SYT16: variants seen among roughly 807,000 people sequenced by gnomAD.
SYT16 encodes synaptotagmin 16, also known as synaptotagmin-16.
Under a neutral mutation model 61.4 loss-of-function variants are expected in SYT16, and 42 were observed. The observed-to-expected ratio is 0.68, with a 90% CI of 0.53 to 0.89. The LOEUF (loss-of-function observed/expected upper bound fraction) is 0.89. Ranked by LOEUF, SYT16 falls within the 40% of genes least tolerant of loss-of-function variation. The pLI is 0.00. For synonymous variants in SYT16, 314 were observed against 302.3 expected (o/e 1.04, Z -0.40); for missense variants, 804 against 807.3 (o/e 1.00, Z 0.05).
rs544179959 is a variant in SYT16 at position 62,111,256 on chromosome 14, A to G, written c.*10549A>G. On this transcript the variant is annotated 3_prime_UTR_variant, in exon 8 of 8. Transcript: ENST00000683842. ...GGTGTCCTTGAAGAACTTTCATGAA[A>G]AAAATGTAAATGTGAATGATTCATT... is the stretch of plus-strand genomic sequence containing the variant. The G allele has an allele frequency of 5.9e-5, 9 of 152,150 alleles. 1 individual carries two copies. Among genetic ancestry groups the G allele is most frequent in the Middle Eastern group, 6.8e-3 (2 of 294 alleles). 9.4% of individuals were successfully genotyped at this position (152,150 alleles called of 1,614,324 possible).
intron 1 of SYT16, among the ~76,000 whole-genome samples, chr14:61,969,002 A>G (rs2051432341): frequency 6.6e-6 from 1 of 152,162 alleles, no homozygotes; most frequent in African/African-American, 2.4e-5. Flanking sequence ...TTGATTCAGT[A>G]AGGCAGTATC....
chr14:62,104,390 A>C lies in SYT16; in HGVS notation c.*3683A>C, dbSNP rs976316078. ...AACATTCTATTCTATTTGATCTAAG[A>C]GCAAAGCAAATGATGGATAATCCTG... is the stretch of plus-strand genomic sequence containing the variant. On this transcript the variant is annotated 3_prime_UTR_variant, in exon 8 of 8. Transcript: ENST00000683842. 3 of 152,228 alleles carry C rather than the reference A, an allele frequency of 2.0e-5. No homozygotes were observed. The highest frequency in any genetic ancestry group is 4.4e-5 in the Non-Finnish European group (3 of 68,026). 9.4% of individuals were successfully genotyped at this position (152,228 alleles called of 1,614,324 possible). A position where few individuals can be genotyped will look rare whatever the true frequency, so the allele number is the denominator to read the frequency against.
In SYT16 at chr14:61,829,755, T is replaced by C. The variant is rs375242846; in HGVS notation, c.-325+16945T>C. ...TTGCAAGCTCCGCCTCCCGGGTTCA[T>C]GCCATTCTCCTGCCTCAGCCTCCCG... On this transcript the variant is annotated intron_variant, in intron 1 of 7. Coordinates refer to ENST00000683842, the MANE Select transcript of SYT16 (RefSeq NM_001367656.1). 3.2e-3 allele frequency among the ~76,000 whole-genome samples: 480 copies of C among 152,058 alleles called. 8 individuals are homozygous for C. In the South Asian group the frequency reaches 0.045, roughly 14 times the overall value.
chr14:61,996,958 A>G (rs1251159046), intron 3 of SYT16, among the ~76,000 whole-genome samples: 1 of 152,132 alleles, frequency 6.6e-6, no homozygotes, highest in Non-Finnish European at 1.5e-5. Context: ...TTTTTAGTTG[A>G]TAACACTCCA....
chr14:61,816,350 C>A (rs1296965577), intron 1 of SYT16, among the ~76,000 whole-genome samples: 2 of 152,168 alleles, frequency 1.3e-5, no homozygotes. Context: ...ACGTTAGAAA[C>A]TAGTGCTAAA....
rs982078972 is a variant in SYT16 at position 62,017,937 on chromosome 14, A to C, written c.523+21395A>C. 1.5e-4 allele frequency among the ~76,000 whole-genome samples: 23 copies of C among 152,190 alleles called. 1 individual carries two copies. In the East Asian group the frequency reaches 1.7e-3, roughly 12 times the overall value. ...CACTATGTTGCCCAGGCTAGTCTTG[A>C]ATTCCTAGCCTGAAGCAATCCTCTG... On this transcript the variant is annotated intron_variant, in intron 3 of 7. Transcript: ENST00000683842.
chr14:62,019,328 A>C (rs1424296465), intron 3 of SYT16, among the ~76,000 whole-genome samples: 1 of 152,180 alleles, frequency 6.6e-6, no homozygotes. Flanking sequence ...TGTTTTTTTC[A>C]TGAAATGAGT....
chr14:62,064,489 G>T (rs2140927917), intron 3 of SYT16, among the ~76,000 whole-genome samples: 1 of 152,192 alleles, frequency 6.6e-6, no homozygotes, highest in Non-Finnish European at 1.5e-5. Flanking sequence ...TAGTTTTTCT[G>T]TGTGAAATAG....
intron 1 of SYT16, among the ~76,000 whole-genome samples, chr14:61,883,778 A>G (rs1014187864): frequency 1.3e-5 from 2 of 152,188 alleles, no homozygotes; most frequent in Non-Finnish European, 2.9e-5. Context: ...TTATAAAGGA[A>G]AGAGATTTAA....
intron 1 of SYT16, among the ~76,000 whole-genome samples, chr14:61,945,132 G>A (rs1370414336): frequency 6.6e-6 from 1 of 152,192 alleles, no homozygotes; most frequent in Non-Finnish European, 1.5e-5. Flanking sequence ...ACATATGAAA[G>A]AAAGCTCATC....
chr14:61,965,596 C>T (rs1389390802), intron 1 of SYT16, among the ~76,000 whole-genome samples: 2 of 152,022 alleles, frequency 1.3e-5, no homozygotes, highest in African/African-American at 4.8e-5. Context: ...CTCAGATATT[C>T]AAAGGTCATA....
At chr14:62,051,408 C>T (rs545160641) in intron 3 of SYT16, among the ~76,000 whole-genome samples, 1 of 152,356 alleles carries the variant, frequency 6.6e-6, no homozygotes, top group African/African-American at 2.4e-5. Flanking sequence ...TCCCTGACCC[C>T]TTGCACTTCC....
chr14:62,031,224 C>G (rs2054298014), intron 3 of SYT16, among the ~76,000 whole-genome samples: 2 of 152,166 alleles, frequency 1.3e-5, no homozygotes, highest in Admixed American at 1.3e-4. Context: ...GAAACACAAC[C>G]ATGCCTTTAA....
At chr14:62,059,727 C>T (rs1185208259) in intron 3 of SYT16, among the ~76,000 whole-genome samples, 5 of 144,306 alleles carry the variant, frequency 3.5e-5, no homozygotes, top group African/African-American at 1.0e-4. Context: ...ATATGTATAG[C>T]TACATATATA....
At chr14:61,959,049 C>G (rs148240404) in intron 1 of SYT16, among the ~76,000 whole-genome samples, 65 of 152,168 alleles carry the variant, frequency 4.3e-4, no homozygotes, top group African/African-American at 1.4e-3. Context: ...TCCATTTTGT[C>G]TAATATGAGT....
rs2057501332 is a variant in SYT16, at chr14:62,105,737, C to G, written c.*5030C>G. ...TAGAGAAGTCTTCAGGAGCAAACCA[C>G]TTCAAGTTCAGTGTAACCAGGTGCC... On this transcript the variant is annotated 3_prime_UTR_variant, in exon 8 of 8. Transcript: ENST00000683842. The G allele has an allele frequency of 6.6e-6, 1 of 152,334 alleles. No homozygotes were observed. The highest frequency in any genetic ancestry group is 2.1e-4 in the South Asian group (1 of 4,826). The allele number at this position is 152,334 out of a possible 1,614,324, so 9.4% of individuals were successfully genotyped here.
chr14:61,922,144 C>A (rs1376831596), intron 1 of SYT16, among the ~76,000 whole-genome samples: 1 of 152,188 alleles, frequency 6.6e-6, no homozygotes, highest in Non-Finnish European at 1.5e-5. Flanking sequence ...AAGAGCTAGA[C>A]ACAGAGCTAC....
At chr14:61,985,600 G>C (rs2052272236) in intron 2 of SYT16, among the ~76,000 whole-genome samples, 1 of 152,118 alleles carries the variant, frequency 6.6e-6, no homozygotes, top group Admixed American at 6.6e-5. Flanking sequence ...AAGTGAAACT[G>C]GGAAATAGAG....
intron 3 of SYT16, among the ~76,000 whole-genome samples, chr14:62,013,994 C>A (rs972794141): frequency 1.3e-5 from 2 of 152,230 alleles, no homozygotes; most frequent in African/African-American, 2.4e-5. Flanking sequence ...GACTATTCCC[C>A]CCATGAAATG....
Sources: allele counts gnomAD v4.1 joint callset (sites outside exome capture counted in the v4.1 genomes callset), GRCh38; gene constraint gnomAD v4.1.1; transcripts MANE v1.5; gene names NCBI Gene and HGNC (gene_info 2026-07-23, HGNC 2026-07-21).